CPM: variants seen among roughly 807,000 people sequenced by gnomAD.
The protein encoded by CPM is renal carboxypeptidase.
Under a neutral mutation model 46.4 loss-of-function variants are expected in CPM, and 35 were observed. That is an observed-to-expected ratio of 0.75 (90% CI 0.58 to 1.00). The LOEUF (loss-of-function observed/expected upper bound fraction) is 1.00. CPM is among the 50% of genes least tolerant of loss of function. The pLI, the probability that CPM is intolerant of heterozygous loss-of-function variation, is 0.00. For missense variants in CPM, 422 were observed against 530.4 expected (o/e 0.80, Z 2.01); for synonymous variants, 195 against 195.3 (o/e 1.00, Z 0.01).
At chr12:68,844,776 T>A (rs1295198604) in intron 5 of CPM, 1 of 202,774 alleles carries the variant, frequency 4.9e-6, no homozygotes. Flanking sequence ...TTATTTTTAT[T>A]TATTTTTTGA....
downstream of CPM, chr12:68,847,196 T>TTATATATATATATATATATATA (rs59862219): frequency 0.035 from 3,212 of 91,464 alleles, 265 homozygotes; most frequent in Non-Finnish European, 0.046. Flanking sequence ...TGTGTGTACA[T>TTATATATATATATATATATATA]TATATATATA....
chr12:68,889,283 T>G (rs192177844), intron 2 of CPM, among the ~76,000 whole-genome samples: 29 of 152,340 alleles, frequency 1.9e-4, no homozygotes, highest in Admixed American at 9.8e-4. Flanking sequence ...AATCCACCTT[T>G]TTAAATGGCT....
chr12:68,932,632 A>AG (rs1888556653), intron 2 of CPM, 46 bp downstream of exon 2: 2 of 1,606,646 alleles, frequency 1.2e-6, no homozygotes, highest in Non-Finnish European at 1.7e-6. Context: ...GAATACTGAA[A>AG]GGGAGGACTG....
chr12:68,845,248 G>A (rs1884189993), intron 5 of CPM: 1 of 215,316 alleles, frequency 4.6e-6, no homozygotes, highest in African/African-American at 2.3e-5. Flanking sequence ...TTGTTTAAAA[G>A]TTTGTGATCA....
At chr12:68,914,431 C>T (rs1001393650) in intron 2 of CPM, among the ~76,000 whole-genome samples, 1 of 152,196 alleles carries the variant, frequency 6.6e-6, no homozygotes, top group African/African-American at 2.4e-5. Context: ...TTCATTTTCC[C>T]ATTCTCTTTG....
intron 2 of CPM, among the ~76,000 whole-genome samples, chr12:68,930,141 C>T (rs1565803403): frequency 6.6e-6 from 1 of 152,198 alleles, no homozygotes; most frequent in East Asian, 1.9e-4. Flanking sequence ...AGTGCAGTGG[C>T]ATGATCTTGG....
At chr12:68,860,797 C>A (rs1003830845) in intron 7 of CPM, among the ~76,000 whole-genome samples, 2 of 152,102 alleles carry the variant, frequency 1.3e-5, no homozygotes, top group South Asian at 4.1e-4. Context: ...GGATAATATA[C>A]CACCACCCAG....
chr12:68,849,722 C>G (rs1172716461), downstream of CPM: 2 of 152,080 alleles, frequency 1.3e-5, no homozygotes, highest in Non-Finnish European at 2.9e-5. Context: ...TCGTGATCTG[C>G]CTGCCTCGGC....
chr12:68,886,837 G>T (rs1886453697), intron 2 of CPM, among the ~76,000 whole-genome samples: 1 of 152,122 alleles, frequency 6.6e-6, no homozygotes, highest in East Asian at 1.9e-4. Context: ...TGTGATCTGG[G>T]CAAGAAAGGG....
chr12:68,903,203 T>C (rs983015890), intron 2 of CPM, among the ~76,000 whole-genome samples: 2 of 152,250 alleles, frequency 1.3e-5, no homozygotes, highest in African/African-American at 4.8e-5. Flanking sequence ...AAGCTGTGCA[T>C]TTACAGTCGG....
intron 1 of CPM, 99 bp from the exon 2 acceptor site, chr12:68,932,939 C>T (rs1888574707): frequency 9.2e-7 from 1 of 1,089,802 alleles, no homozygotes; most frequent in Non-Finnish European, 1.3e-6. Flanking sequence ...GGTCTCCCGA[C>T]ACTGACGCTC....
At chr12:68,904,045 C>T (rs1158488286) in intron 2 of CPM, among the ~76,000 whole-genome samples, 1 of 152,152 alleles carries the variant, frequency 6.6e-6, no homozygotes. Flanking sequence ...CGCCACTATA[C>T]CTGGCTAATG....
intron 1 of CPM, among the ~76,000 whole-genome samples, chr12:68,956,805 T>C (rs974447944): frequency 1.3e-5 from 2 of 152,096 alleles, no homozygotes; most frequent in African/African-American, 2.4e-5. Context: ...CCATTTTACT[T>C]ATGGATAGAC....
At chr12:68,928,984 A>T (rs1277566054) in intron 2 of CPM, among the ~76,000 whole-genome samples, 1 of 151,450 alleles carries the variant, frequency 6.6e-6, no homozygotes, top group Non-Finnish European at 1.5e-5. Context: ...CTGGGATTAT[A>T]GACGTGAGCC....
intron 3 of CPM, among the ~76,000 whole-genome samples, chr12:68,873,501 A>G (rs1195808666): frequency 6.6e-6 from 1 of 152,066 alleles, no homozygotes; most frequent in African/African-American, 2.4e-5. Context: ...TCCCATCACT[A>G]CATAAAATAA....
intron 2 of CPM, among the ~76,000 whole-genome samples, chr12:68,891,786 G>A (rs1374147220): frequency 2.6e-5 from 4 of 152,058 alleles, no homozygotes; most frequent in Admixed American, 2.6e-4. Flanking sequence ...CCCCAGGCTG[G>A]AGTGCATTAG....
intron 3 of CPM, among the ~76,000 whole-genome samples, chr12:68,879,205 G>A (rs1886085774): frequency 6.6e-6 from 1 of 152,010 alleles, no homozygotes; most frequent in Admixed American, 6.6e-5. Flanking sequence ...AAAAATAATT[G>A]CAATTTAGTT....
intron 1 of CPM, among the ~76,000 whole-genome samples, chr12:68,962,068 T>TAGC (rs1555203314): frequency 2.6e-5 from 4 of 151,718 alleles, no homozygotes; most frequent in Admixed American, 6.6e-5. Context: ...GGCACGGTGG[T>TAGC]GGGCGCCTGT....
chr12:68,854,405 T>G lies in CPM; in HGVS notation c.*2032A>C, dbSNP rs925392123. 3 of 152,172 alleles carry G rather than the reference T, an allele frequency of 2.0e-5. No homozygotes were observed. Among genetic ancestry groups the G allele is most frequent in the Non-Finnish European group, 4.4e-5 (3 of 68,028 alleles). 9.4% of individuals were successfully genotyped at this position (152,172 alleles called of 1,614,324 possible). On this transcript the variant is annotated 3_prime_UTR_variant, in exon 9 of 9. Transcript: ENST00000551568. Reference sequence around the variant, plus strand: ...CACATTCTACTAGAGAAGGCACACATGGAGAAGATTATAATACAATGTTGT... The same window carrying G: ...CACATTCTACTAGAGAAGGCACACAGGGAGAAGATTATAATACAATGTTGT...
Sources: gnomAD v4.1 joint callset for allele counts (sites outside exome capture counted in the v4.1 genomes callset) on GRCh38, gnomAD v4.1.1 for gene constraint, MANE v1.5 for transcripts, NCBI Gene and HGNC (gene_info 2026-07-23, HGNC 2026-07-21) for gene names.